Variants in NRXN1 observed in about 807,000 individuals in gnomAD.
The protein encoded by NRXN1 is neurexin 1.
In NRXN1, 39 loss-of-function variants were observed where a neutral mutation model predicts 150.9. The observed-to-expected ratio is 0.26, with a 90% CI of 0.20 to 0.34. The LOEUF (loss-of-function observed/expected upper bound fraction) is 0.34. NRXN1 is among the 10% of genes least tolerant of loss of function. NRXN1 has a pLI of 1.00. For synonymous variants in NRXN1, 924 were observed against 757.0 expected (o/e 1.22, Z -3.62); for missense variants, 1,815 against 1,949.9 (o/e 0.93, Z 1.30).
intron 18 of NRXN1, among the ~76,000 whole-genome samples, chr2:50,170,922 A>C (rs1574301493): frequency 6.6e-6 from 1 of 152,150 alleles, no homozygotes; most frequent in Admixed American, 6.5e-5. Flanking sequence ...GTTGACCAGA[A>C]GCCTTACTAA....
intron 17 of NRXN1, among the ~76,000 whole-genome samples, chr2:50,244,407 T>G (rs1438289492): frequency 1.3e-5 from 2 of 151,866 alleles, no homozygotes; most frequent in African/African-American, 4.8e-5. Flanking sequence ...CGTATAAAAC[T>G]ATGACTCTAC....
chr2:50,863,108 C>A (rs971515801), intron 5 of NRXN1, among the ~76,000 whole-genome samples: 1 of 151,838 alleles, frequency 6.6e-6, no homozygotes, highest in Admixed American at 6.6e-5. Context: ...GTGTCACTGA[C>A]TATCATATTT....
At chr2:50,938,580 T>G (rs958914470) in intron 2 of NRXN1, among the ~76,000 whole-genome samples, 2 of 152,200 alleles carry the variant, frequency 1.3e-5, no homozygotes, top group African/African-American at 4.8e-5. Flanking sequence ...CTGATATCAA[T>G]TTTCTGTATT....
rs572694099 is a variant in NRXN1 at position 50,789,276 on chromosome 2, G to A, written c.832+132593C>T. Among the ~76,000 whole-genome samples the A allele has an allele frequency of 2.0e-5, 3 of 152,242 alleles. No individual in the cohort carries two copies. The South Asian group carries it at 6.2e-4, about 32-fold the overall frequency. The stretch of plus-strand genomic sequence containing the variant: ...AACAAGAAAAGGGCAAATACAACAT[G>A]CCTGCAATGCTCAAACGGCTTCCTT... On this transcript the variant is annotated intron_variant, in intron 5 of 22. Coordinates refer to ENST00000401669, the MANE Select transcript of NRXN1 (RefSeq NM_001330078.2).
At chr2:50,980,171 C>A (rs1478232375) in intron 2 of NRXN1, among the ~76,000 whole-genome samples, 1 of 152,018 alleles carries the variant, frequency 6.6e-6, no homozygotes, top group African/African-American at 2.4e-5. Flanking sequence ...TCTGCTTTTT[C>A]TTAGCTCACT....
At chr2:50,149,358 T>C (rs2058562841) in intron 18 of NRXN1, among the ~76,000 whole-genome samples, 1 of 151,764 alleles carries the variant, frequency 6.6e-6, no homozygotes, top group Non-Finnish European at 1.5e-5. Flanking sequence ...GAAGTGGAGA[T>C]ATATCCACAC....
intron 17 of NRXN1, among the ~76,000 whole-genome samples, chr2:50,391,426 C>T (rs767436726): frequency 1.3e-5 from 2 of 151,976 alleles, no homozygotes; most frequent in Non-Finnish European, 2.9e-5. Flanking sequence ...AATTATAGTG[C>T]TTTAAAAATA....
At chr2:50,117,036 A>G (rs1161277633) in intron 18 of NRXN1, among the ~76,000 whole-genome samples, 2 of 152,144 alleles carry the variant, frequency 1.3e-5, no homozygotes, top group African/African-American at 2.4e-5. Context: ...GCCTCTGTGC[A>G]CATGTGTTTA....
At chr2:50,244,965 C>A (rs2066365239) in intron 17 of NRXN1, among the ~76,000 whole-genome samples, 1 of 151,926 alleles carries the variant, frequency 6.6e-6, no homozygotes, top group Non-Finnish European at 1.5e-5. Flanking sequence ...TATGTATTTT[C>A]TTTTAGGTCA....
chr2:50,154,414 A>G (rs1171725908), intron 18 of NRXN1, among the ~76,000 whole-genome samples: 1 of 151,734 alleles, frequency 6.6e-6, no homozygotes, highest in Non-Finnish European at 1.5e-5. Context: ...AAGCATGGGA[A>G]TTGTAAATAA....
intron 18 of NRXN1, among the ~76,000 whole-genome samples, chr2:50,150,965 A>G (rs1254321015): frequency 6.6e-6 from 1 of 151,748 alleles, no homozygotes; most frequent in East Asian, 1.9e-4. Context: ...ATCCTGGGAT[A>G]TTTGGATTTT....
rs547197166 is a variant in NRXN1 at position 50,196,313 on chromosome 2, T to A, written c.3546+40476A>T. Among the ~76,000 whole-genome samples, 3 of 152,302 alleles carry A rather than the reference T, an allele frequency of 2.0e-5. No individual in the cohort carries two copies. In the South Asian group the frequency reaches 6.2e-4, roughly 32 times the overall value. ...CTATAGCTGAGAAATGCCTTTTAGA[T>A]GCCCTTGTTCTATCATACAAAAACA... On this transcript the variant is annotated intron_variant, in intron 18 of 22. Coordinates refer to ENST00000401669, the MANE Select transcript of NRXN1 (RefSeq NM_001330078.2).
chr2:50,949,770 G>A (rs548172247), intron 2 of NRXN1, among the ~76,000 whole-genome samples: 3 of 152,224 alleles, frequency 2.0e-5, no homozygotes, highest in African/African-American at 7.2e-5. Context: ...TACCGGCACA[G>A]CCAGAACTTG....
chr2:50,091,727 G>C (rs1209525163), intron 18 of NRXN1, among the ~76,000 whole-genome samples: 1 of 152,134 alleles, frequency 6.6e-6, no homozygotes, highest in Non-Finnish European at 1.5e-5. Flanking sequence ...CAAGGGAATT[G>C]AGCCGCCTTC....
At chr2:50,504,301 T>C (rs1394540957) in intron 13 of NRXN1, among the ~76,000 whole-genome samples, 1 of 152,134 alleles carries the variant, frequency 6.6e-6, no homozygotes, top group Non-Finnish European at 1.5e-5. Flanking sequence ...TTTACTGAAG[T>C]CAGTGGCTTT....
chr2:50,164,804 C>G (rs889410407), intron 18 of NRXN1, among the ~76,000 whole-genome samples: 1 of 152,154 alleles, frequency 6.6e-6, no homozygotes, highest in African/African-American at 2.4e-5. Context: ...AGGTTGTGTT[C>G]TCCGTTCTCC....
intron 5 of NRXN1, among the ~76,000 whole-genome samples, chr2:50,656,662 T>C (rs1040991704): frequency 1.3e-5 from 2 of 151,914 alleles, no homozygotes; most frequent in Non-Finnish European, 2.9e-5. Flanking sequence ...ATTAATTTCA[T>C]GATGGACTAG....
chr2:50,406,655 G>T (rs750507781), intron 17 of NRXN1, among the ~76,000 whole-genome samples: 5 of 152,114 alleles, frequency 3.3e-5, no homozygotes, highest in Non-Finnish European at 5.9e-5. Context: ...CAGGTATTAG[G>T]CATGTCCACA....
At chr2:50,981,615 C>T (rs1424492236) in intron 2 of NRXN1, among the ~76,000 whole-genome samples, 1 of 151,670 alleles carries the variant, frequency 6.6e-6, no homozygotes, top group Middle Eastern at 3.2e-3. Context: ...TAATGATGAG[C>T]TGTTTATTCA....
Sources: gnomAD v4.1 joint callset for allele counts (sites outside exome capture counted in the v4.1 genomes callset) on GRCh38, gnomAD v4.1.1 for gene constraint, MANE v1.5 for transcripts, NCBI Gene and HGNC (gene_info 2026-07-23, HGNC 2026-07-21) for gene names.